The following TBCD variants were observed in gnomAD, a reference collection of about 807,000 sequenced individuals.
TBCD encodes tubulin-specific chaperone D.
In TBCD, 105 loss-of-function variants were observed where a neutral mutation model predicts 169.3. The ratio of observed to expected loss-of-function variants is 0.62; its 90% CI spans 0.53 to 0.73. The LOEUF is 0.73. TBCD is among the 30% of genes least tolerant of loss of function. The pLI is 0.00. For synonymous variants in TBCD, 700 were observed against 643.9 expected, an observed-to-expected ratio of 1.09 and a Z score of -1.32; for missense variants, 1,444 against 1,600.1, an observed-to-expected ratio of 0.90 and a Z score of 1.66.
intron 15 of TBCD, among the ~76,000 whole-genome samples, chr17:82,886,929 A>G (rs184989907): frequency 6.6e-6 from 1 of 151,586 alleles, no homozygotes; most frequent in East Asian, 2.0e-4. Context: ...CTCGGCTCCC[A>G]AAGTGCTGGG....
At chr17:82,786,970 C>T (rs951792827) in intron 7 of TBCD, among the ~76,000 whole-genome samples, 1 of 152,106 alleles carries the variant, frequency 6.6e-6, no homozygotes. Flanking sequence ...CTCGCTGCCC[C>T]ATTCCCCTCC....
At chr17:82,878,405 C>T (rs7218196) in intron 14 of TBCD, among the ~76,000 whole-genome samples, 16,531 of 152,302 alleles carry the variant, frequency 0.11, 1,164 homozygotes, top group South Asian at 0.29. Context: ...TCACCCGCTC[C>T]AAGCCTGGCA....
At position 82,896,435 on chromosome 17, in the gene TBCD, T is replaced by C. The variant is rs574862733; in HGVS notation, c.1649+2803T>C. ...GTTCTCTGGCATAGATGCCCAGAGC[T>C]GGGTGGCTGTGCTGTCAGTTTTTTT... On this transcript the variant is annotated intron_variant, in intron 17 of 38. Transcript: ENST00000355528. 8.2e-4 allele frequency among the ~76,000 whole-genome samples: 123 copies of C among 149,738 alleles called. 1 individual carries two copies. Among genetic ancestry groups the C allele is most frequent in the African/African-American group, 2.8e-3 (115 of 40,424 alleles).
chr17:82,937,748 C>T, intron 35 of TBCD: 1 of 943,622 alleles, frequency 1.1e-6, no homozygotes, highest in Non-Finnish European at 1.5e-6. Context: ...CAGCGATAGG[C>T]ACCTTGGCTG....
rs144527394 is a variant in TBCD at position 82,903,723 on chromosome 17, C to T, written c.1804+245C>T. On this transcript the variant is annotated intron_variant, in intron 19 of 38. Coordinates refer to ENST00000355528, the MANE Select transcript of TBCD (RefSeq NM_005993.5). The surrounding 1 kb of genome is among the most constrained non-coding windows in gnomAD (Gnocchi z 4.8). ...CGTACACCGGAGCCCGTGATGGTCC[C>T]GCCGGATGCCTGACATGCAGTGCTG... Among the ~76,000 whole-genome samples, 6 of 152,302 alleles carry T rather than the reference C, an allele frequency of 3.9e-5. No individual in the cohort carries two copies. Among genetic ancestry groups the T allele is most frequent in the South Asian group, 2.1e-4 (1 of 4,820 alleles).
At position 82,874,593 on chromosome 17, in the gene TBCD, C is replaced by G. The variant is rs925729367; in HGVS notation, c.1475+4213C>G. Among the ~76,000 whole-genome samples, 5 of 152,154 alleles carry G rather than the reference C, an allele frequency of 3.3e-5. No homozygotes were observed. The highest frequency in any genetic ancestry group is 5.9e-5 in the Non-Finnish European group (4 of 68,024). On this transcript the variant is annotated intron_variant, in intron 14 of 38. Transcript: ENST00000355528. The surrounding 1 kb of genome is among the most constrained non-coding windows in gnomAD (Gnocchi z 5.0). ...AAGGGTGCCCTTGGAGCCGTGCCCG[C>G]CGGCCTGGGTGTCAGGCTTGTCCAA...
At chr17:82,827,881 G>C (rs1378614033) in intron 13 of TBCD, among the ~76,000 whole-genome samples, 1 of 103,538 alleles carries the variant, frequency 9.7e-6, no homozygotes, top group Non-Finnish European at 1.8e-5. Context: ...ACAGGCACAC[G>C]TGCACACCCA....
chr17:82,855,245 T>C (rs2056164124), intron 13 of TBCD, among the ~76,000 whole-genome samples: 1 of 43,678 alleles, frequency 2.3e-5, no homozygotes, highest in African/African-American at 1.1e-4. Context: ...CTTTTTTTTT[T>C]TTTTTTTTTT....
intron 34 of TBCD, among the ~76,000 whole-genome samples, chr17:82,936,849 T>C (rs561414678): frequency 3.3e-5 from 5 of 152,310 alleles, no homozygotes; most frequent in Non-Finnish European, 2.9e-5. Context: ...AAAACAACAC[T>C]GCACAGCCTT....
At chr17:82,854,639 G>T (rs191875761) in intron 13 of TBCD, among the ~76,000 whole-genome samples, 8 of 152,326 alleles carry the variant, frequency 5.3e-5, no homozygotes, top group Admixed American at 6.5e-5. Context: ...AAGCATTCAC[G>T]TTTGCATGTC....
intron 6 of TBCD, among the ~76,000 whole-genome samples, chr17:82,779,297 C>T (rs1207737183): frequency 6.6e-6 from 1 of 152,096 alleles, no homozygotes; most frequent in Non-Finnish European, 1.5e-5. Flanking sequence ...AGCCACTGCG[C>T]CTGGCCAAGA....
intron 2 of TBCD, among the ~76,000 whole-genome samples, chr17:82,757,298 TGC>T (rs1568087858): frequency 6.6e-6 from 1 of 152,216 alleles, no homozygotes; most frequent in Non-Finnish European, 1.5e-5. Flanking sequence ...GTTTGTGCTG[TGC>T]ATCTTGTTCT....
Position 82,848,706 on chromosome 17 carries a change from A to G in TBCD, c.1319-21518A>G, listed in dbSNP as rs2145600270. Among the ~76,000 whole-genome samples the G allele has an allele frequency of 1.3e-5, 2 of 152,250 alleles. 1 individual carries two copies. The highest frequency in any genetic ancestry group is 4.1e-4 in the South Asian group (2 of 4,822). ...TCATGCTACAAAATAACAGTGAAAA[A>G]CCTAACGATGAAAATAGATGCGAAC... is the stretch of plus-strand genomic sequence containing the variant. On this transcript the variant is annotated intron_variant, in intron 13 of 38. Transcript: ENST00000355528.
intron 22 of TBCD, among the ~76,000 whole-genome samples, chr17:82,910,805 A>G (rs1301931310): frequency 6.6e-6 from 1 of 152,112 alleles, no homozygotes; most frequent in Non-Finnish European, 1.5e-5. Context: ...ACCTGAAGCG[A>G]TCCGCCCGCC....
chr17:82,874,190 G>C lies in TBCD; in HGVS notation c.1475+3810G>C, dbSNP rs1438524978. Among the ~76,000 whole-genome samples the C allele has an allele frequency of 1.3e-5, 2 of 152,150 alleles. No homozygotes were observed. The highest frequency in any genetic ancestry group is 4.8e-5 in the African/African-American group (2 of 41,430). On this transcript the variant is annotated intron_variant, in intron 14 of 38. Coordinates refer to ENST00000355528, the MANE Select transcript of TBCD (RefSeq NM_005993.5). This position sits in a 1 kb window ranked among gnomAD's most constrained non-coding sequence, Gnocchi z 5.0. ...TGGGGTGAGTGTGACTTCTGTCTGGGGCATGTTGGGTGGGCGTGCAAGGGG... is the reference window on the plus strand; with the variant it reads ...TGGGGTGAGTGTGACTTCTGTCTGGCGCATGTTGGGTGGGCGTGCAAGGGG...
chr17:82,941,552 C>T (rs942217756), intron 38 of TBCD, 69 bp downstream of exon 38: 24 of 1,410,034 alleles, frequency 1.7e-5, no homozygotes, highest in African/African-American at 1.0e-4. Context: ...CTGGGGCCAG[C>T]GGCTGTGCTT....
At chr17:82,766,123 C>A (rs1432407536) in intron 3 of TBCD, 144 bp from the exon 4 acceptor site, 3 of 679,152 alleles carry the variant, frequency 4.4e-6, no homozygotes, top group Admixed American at 2.5e-5. Context: ...TACGGTCTTA[C>A]TAAATTGTGT....
chr17:82,929,473 G>GTCCC lies in TBCD; in HGVS notation c.2966_2969dup (p.Gly991ProfsTer18), dbSNP rs1568075167. On this transcript the variant is annotated frameshift_variant, in exon 32 of 39. Coordinates refer to ENST00000355528, the MANE Select transcript of TBCD (RefSeq NM_005993.5). LOFTEE classifies it high-confidence loss of function. ...ACCACGTCCTGCTGGGGCTAGTCGT[G>GTCCC]TCCCTGGGCGGCTTGACGGAGTCGA... 1.2e-6 allele frequency: 2 copies of GTCCC among 1,609,216 alleles called. No homozygotes were observed. Among genetic ancestry groups the GTCCC allele is most frequent in the Non-Finnish European group, 1.7e-6 (2 of 1,179,864 alleles).
chr17:82,932,119 T>C (rs1168406798), intron 33 of TBCD: 2 of 169,220 alleles, frequency 1.2e-5, no homozygotes, highest in Non-Finnish European at 2.6e-5. Flanking sequence ...CCCCTTGTTC[T>C]CTGAGGCACA....
Sources: allele counts gnomAD v4.1 joint callset (sites outside exome capture counted in the v4.1 genomes callset), GRCh38; gene constraint gnomAD v4.1.1; non-coding constraint Gnocchi (gnomAD v3.1); transcripts MANE v1.5; gene names NCBI Gene and HGNC (gene_info 2026-07-23, HGNC 2026-07-21).